The following PARD3B variants were observed in gnomAD, a reference collection of about 807,000 sequenced individuals.
PARD3B encodes par-3 family cell polarity regulator beta, also known as partitioning defective 3 homolog B.
In PARD3B, 103 loss-of-function variants were observed where a neutral mutation model predicts 130.2. That is an observed-to-expected ratio of 0.79 (90% confidence interval 0.67 to 0.93). The LOEUF (loss-of-function observed/expected upper bound fraction) is 0.93, where lower values mean the gene tolerates loss of function less well. PARD3B is among the 40% of genes least tolerant of loss of function. The pLI, the probability that PARD3B is intolerant of heterozygous loss-of-function variation, is 0.00. For synonymous variants in PARD3B, 583 were observed against 553.2 expected (o/e 1.05, Z -0.76); for missense variants, 1,609 against 1,499.2 (o/e 1.07, Z -1.21).
At chr2:204,710,508 T>C (rs1175067880) in intron 2 of PARD3B, among the ~76,000 whole-genome samples, 1 of 152,214 alleles carries the variant, frequency 6.6e-6, no homozygotes, top group Non-Finnish European at 1.5e-5. Context: ...ATGTGAGGCA[T>C]GCTCATGTGG....
intron 18 of PARD3B, among the ~76,000 whole-genome samples, chr2:205,396,512 G>A (rs2046035722): frequency 6.6e-6 from 1 of 152,158 alleles, no homozygotes; most frequent in Admixed American, 6.5e-5. Flanking sequence ...GGTGTTTTAA[G>A]CAAACTTATA....
intron 21 of PARD3B, among the ~76,000 whole-genome samples, chr2:205,517,668 T>A (rs2050850128): frequency 1.3e-5 from 2 of 152,172 alleles, no homozygotes; most frequent in African/African-American, 4.8e-5. Context: ...TCAGTTGTGA[T>A]GTTTGTTAGT....
chr2:204,815,886 T>A (rs1007865929), intron 2 of PARD3B, among the ~76,000 whole-genome samples: 4 of 152,068 alleles, frequency 2.6e-5, no homozygotes, highest in South Asian at 2.1e-4. Context: ...TTGTGTGACA[T>A]GAATGCTTTC....
At chr2:205,282,283 C>T (rs1309867704) in intron 16 of PARD3B, among the ~76,000 whole-genome samples, 1 of 151,914 alleles carries the variant, frequency 6.6e-6, no homozygotes, top group Non-Finnish European at 1.5e-5. Context: ...ATTATTATTT[C>T]ATCTTCCTGG....
chr2:205,143,438 A>G (rs1270125209), intron 10 of PARD3B, among the ~76,000 whole-genome samples: 3 of 152,188 alleles, frequency 2.0e-5, no homozygotes, highest in African/African-American at 7.2e-5. Context: ...AAGATCCATT[A>G]GTTCAGGGAA....
chr2:205,286,429 G>A (rs763490842), intron 16 of PARD3B, among the ~76,000 whole-genome samples: 26 of 152,096 alleles, frequency 1.7e-4, no homozygotes, highest in Non-Finnish European at 3.7e-4. Context: ...CTGAAGCCCA[G>A]ATGAGATTAA....
intron 5 of PARD3B, among the ~76,000 whole-genome samples, chr2:205,111,068 CA>C (rs1255675006): frequency 6.6e-6 from 1 of 151,968 alleles, no homozygotes; most frequent in Non-Finnish European, 1.5e-5. Flanking sequence ...CATTATTTTT[CA>C]AATGTTCTCC....
chr2:204,848,122 T>G (rs1048074647), intron 2 of PARD3B, among the ~76,000 whole-genome samples: 11 of 152,190 alleles, frequency 7.2e-5, no homozygotes, highest in African/African-American at 2.7e-4. Flanking sequence ...ATTATTTTTA[T>G]TAATCTCTTA....
intron 2 of PARD3B, among the ~76,000 whole-genome samples, chr2:204,762,575 A>AT (rs149723620): frequency 0.038 from 5,751 of 152,124 alleles, 157 homozygotes; most frequent in East Asian, 0.16. Context: ...GTGTACATTG[A>AT]TTTTTTAAAG....
At chr2:205,041,892 G>A (rs1698419295) in intron 3 of PARD3B, among the ~76,000 whole-genome samples, 1 of 151,960 alleles carries the variant, frequency 6.6e-6, no homozygotes, top group Non-Finnish European at 1.5e-5. Context: ...CTCTATAACT[G>A]CCTATCCTTC....
intron 4 of PARD3B, among the ~76,000 whole-genome samples, chr2:205,058,497 A>T (rs1174239050): frequency 6.6e-6 from 1 of 151,834 alleles, no homozygotes; most frequent in Non-Finnish European, 1.5e-5. Flanking sequence ...TCTAATTTTC[A>T]TTTTTTGAGG....
In PARD3B at chr2:204,816,672, AT is replaced by A. The variant is rs886795329; in HGVS notation, c.222+130400del. On this transcript the variant is annotated intron_variant, in intron 2 of 22. Transcript: ENST00000406610. ...GTTTTTCCTGGCTCCTTTTAAGATT[AT>A]TTTTTTTTTACCACTGATTTTAAAT... is the stretch of plus-strand genomic sequence containing the variant. 5.1e-3 allele frequency among the ~76,000 whole-genome samples: 747 copies of A among 147,062 alleles called. 4 individuals are homozygous for A. The highest frequency in any genetic ancestry group is 0.013 in the African/African-American group (494 of 39,520).
chr2:205,116,717 A>G lies in PARD3B; in HGVS notation c.681-2204A>G, dbSNP rs753580220. 6.6e-5 allele frequency among the ~76,000 whole-genome samples: 10 copies of G among 152,144 alleles called. No individual in the cohort carries two copies. Among genetic ancestry groups the G allele is most frequent in the Non-Finnish European group, 1.5e-4 (10 of 68,022 alleles). ...GATGAAATCAAACTGGAGGGAATCTATCCCTTCCACGGAGCAGAGAGGGCA... is the reference window on the plus strand; with the variant it reads ...GATGAAATCAAACTGGAGGGAATCTGTCCCTTCCACGGAGCAGAGAGGGCA... On this transcript the variant is annotated intron_variant, in intron 6 of 22. Coordinates refer to ENST00000406610, the MANE Select transcript of PARD3B (RefSeq NM_001302769.2). This position sits in a 1 kb window ranked among gnomAD's most constrained non-coding sequence, Gnocchi z 4.5.
At chr2:204,718,781 C>T (rs529785999) in intron 2 of PARD3B, among the ~76,000 whole-genome samples, 53 of 152,316 alleles carry the variant, frequency 3.5e-4, no homozygotes, top group African/African-American at 1.2e-3. Flanking sequence ...CAAACAAGCC[C>T]TTGGCTGCCT....
intron 2 of PARD3B, among the ~76,000 whole-genome samples, chr2:204,738,842 A>C (rs1485209830): frequency 6.6e-6 from 1 of 152,194 alleles, no homozygotes; most frequent in African/African-American, 2.4e-5. Flanking sequence ...CATCAGGAGA[A>C]AACTGTTTTT....
At chr2:204,550,902 G>A (rs2030407150) in intron 1 of PARD3B, among the ~76,000 whole-genome samples, 1 of 152,182 alleles carries the variant, frequency 6.6e-6, no homozygotes, top group Admixed American at 6.5e-5. Flanking sequence ...TTGATGCCTT[G>A]TTACCTAAAT....
intron 4 of PARD3B, among the ~76,000 whole-genome samples, chr2:205,098,071 G>A (rs544733247): frequency 5.4e-4 from 82 of 152,042 alleles, no homozygotes; most frequent in African/African-American, 1.8e-3. Context: ...AGATATTTTT[G>A]TTCTGAAAAG....
At chr2:205,250,437 C>G (rs1467401073) in intron 16 of PARD3B, among the ~76,000 whole-genome samples, 1 of 152,092 alleles carries the variant, frequency 6.6e-6, no homozygotes, top group African/African-American at 2.4e-5. Context: ...TCTCAAACAC[C>G]TGTCCATATA....
At chr2:204,716,748 G>A (rs970855155) in intron 2 of PARD3B, among the ~76,000 whole-genome samples, 2 of 150,686 alleles carry the variant, frequency 1.3e-5, no homozygotes, top group Admixed American at 6.6e-5. Context: ...TCATCCTCCT[G>A]AGTAGCTGGG....
Sources: allele counts gnomAD v4.1 joint callset (sites outside exome capture counted in the v4.1 genomes callset), GRCh38; gene constraint gnomAD v4.1.1; non-coding constraint Gnocchi (gnomAD v3.1); transcripts MANE v1.5; gene names NCBI Gene and HGNC (gene_info 2026-07-23, HGNC 2026-07-21).